The following SCARA3 variants were observed in gnomAD, a reference collection of about 807,000 sequenced individuals.
SCARA3 encodes scavenger receptor class A member 3, also known as cellular stress response gene protein.
SCARA3 carries 39 observed loss-of-function variants against 47.0 expected under a neutral mutation model. The observed-to-expected ratio is 0.83, with a 90% CI of 0.64 to 1.08. The LOEUF (loss-of-function observed/expected upper bound fraction) is 1.08, where lower values mean the gene tolerates loss of function less well. Among genes scored for constraint, SCARA3 ranks in the 50% least tolerant of loss-of-function variants. The pLI is 0.00. For synonymous variants in SCARA3, 356 were observed against 334.1 expected (o/e 1.07, Z -0.71); for missense variants, 724 against 792.3 (o/e 0.91, Z 1.04).
chr8:27,669,749 C>T (rs1258884242), intron 5 of SCARA3, among the ~76,000 whole-genome samples: 1 of 152,186 alleles, frequency 6.6e-6, no homozygotes, highest in Non-Finnish European at 1.5e-5. Context: ...GCTCTGGTTT[C>T]CAGTTTAGGT....
chr8:27,650,061 C>T (rs760892876), intron 2 of SCARA3, among the ~76,000 whole-genome samples: 1 of 152,174 alleles, frequency 6.6e-6, no homozygotes, highest in Non-Finnish European at 1.5e-5. Flanking sequence ...GGTGCAACCA[C>T]AGATCACTGC....
chr8:27,634,133 C>A lies in SCARA3; in HGVS notation c.-68C>A. 1 of 1,418,334 alleles carries A rather than the reference C, an allele frequency of 7.1e-7. No homozygotes were observed. The highest frequency in any genetic ancestry group is 9.2e-7 in the Non-Finnish European group (1 of 1,084,932). 87.9% of individuals were successfully genotyped at this position (1,418,334 alleles called of 1,614,324 possible). ...ATCCGCGCCCTGGAGGATCCGCCGG[C>A]CGCCCGGCTCCACTACAGCTCCAGC... On this transcript the variant is annotated 5_prime_UTR_variant, in exon 1 of 6. Transcript: ENST00000301904.
chr8:27,638,953 A>G (rs571453597), intron 1 of SCARA3, among the ~76,000 whole-genome samples: 7 of 152,120 alleles, frequency 4.6e-5, no homozygotes, highest in Non-Finnish European at 1.0e-4. Context: ...CCGTTCCCTG[A>G]ACAATCTCTC....
intron 5 of SCARA3, among the ~76,000 whole-genome samples, chr8:27,662,935 G>A (rs1801942002): frequency 6.6e-6 from 1 of 152,210 alleles, no homozygotes; most frequent in African/African-American, 2.4e-5. Flanking sequence ...ATCCTCCCCT[G>A]CTGGGGTCAC....
the SCARA3 span, among the ~76,000 whole-genome samples, chr8:27,729,621 T>A: frequency 9.9e-5 from 15 of 151,798 alleles, no homozygotes; most frequent in African/African-American, 3.6e-4. Context: ...TGAAACCCCG[T>A]CTCTACTAAA....
At chr8:27,715,073 C>T in the SCARA3 span, among the ~76,000 whole-genome samples, 6 of 152,134 alleles carry the variant, frequency 3.9e-5, no homozygotes, top group Non-Finnish European at 8.8e-5. This position sits in a 1 kb window ranked among gnomAD's most constrained non-coding sequence, Gnocchi z 4.2. Context: ...ACACAAGCCA[C>T]CATGCCTGGC....
At chr8:27,665,824 T>G (rs1035402861) in intron 5 of SCARA3, among the ~76,000 whole-genome samples, 24 of 152,240 alleles carry the variant, frequency 1.6e-4, no homozygotes, top group Admixed American at 3.3e-4. Flanking sequence ...GGATTATTAT[T>G]ATGCTAAATT....
At chr8:27,645,311 G>A (rs1228183642) in intron 1 of SCARA3, among the ~76,000 whole-genome samples, 3 of 152,188 alleles carry the variant, frequency 2.0e-5, no homozygotes, top group African/African-American at 7.2e-5. Flanking sequence ...ATAGGCCTTC[G>A]CCGAGGGCCA....
intron 1 of SCARA3, among the ~76,000 whole-genome samples, chr8:27,640,061 C>G (rs1407249379): frequency 6.6e-6 from 1 of 151,756 alleles, no homozygotes. Context: ...CATGGGGGGA[C>G]TTGGGGACAG....
chr8:27,690,836 C>T, the SCARA3 span, among the ~76,000 whole-genome samples: 1 of 152,126 alleles, frequency 6.6e-6, no homozygotes, highest in South Asian at 2.1e-4. Flanking sequence ...GCACACACCA[C>T]CATGCCTGGC....
In SCARA3 at chr8:27,672,048, C is replaced by G; in HGVS notation, c.*697C>G. On this transcript the variant is annotated 3_prime_UTR_variant, in exon 6 of 6. Coordinates refer to ENST00000301904, the MANE Select transcript of SCARA3 (RefSeq NM_016240.3). ...CCCAAGGAAACCTTTGCGGGTGGGG[C>G]GTTACTGCCAAAACTCCAGAGGCAA... The G allele has an allele frequency of 1.0e-6, 1 of 985,302 alleles. No homozygotes were observed. Among genetic ancestry groups the G allele is most frequent in the Non-Finnish European group, 1.2e-6 (1 of 829,936 alleles). 61.0% of individuals were successfully genotyped at this position (985,302 alleles called of 1,614,324 possible). A position where few individuals can be genotyped will look rare whatever the true frequency, so the allele number is the denominator to read the frequency against.
At chr8:27,732,750 C>T in the SCARA3 span, among the ~76,000 whole-genome samples, 3 of 152,152 alleles carry the variant, frequency 2.0e-5, no homozygotes, top group South Asian at 4.1e-4. Flanking sequence ...CAGGTATTGC[C>T]CTGACTAGAA....
the SCARA3 span, among the ~76,000 whole-genome samples, chr8:27,707,835 T>C: frequency 1.0e-5 from 1 of 99,216 alleles, no homozygotes; most frequent in Non-Finnish European, 2.3e-5. Context: ...AAAAAAAAAA[T>C]AAGAAGAATG....
chr8:27,664,379 C>A (rs1801972363), intron 5 of SCARA3, among the ~76,000 whole-genome samples: 1 of 152,160 alleles, frequency 6.6e-6, no homozygotes, highest in Non-Finnish European at 1.5e-5. Flanking sequence ...GCATGGTAAA[C>A]AAGGCAGATG....
At chr8:27,687,111 T>C in the SCARA3 span, among the ~76,000 whole-genome samples, 795 of 152,306 alleles carry the variant, frequency 5.2e-3, 7 homozygotes, top group African/African-American at 0.018. Context: ...ACCACCTTGA[T>C]TGCAGGAACA....
intron 1 of SCARA3, among the ~76,000 whole-genome samples, chr8:27,641,441 G>A (rs187926388): frequency 1.2e-4 from 18 of 152,364 alleles, no homozygotes; most frequent in African/African-American, 4.1e-4. Flanking sequence ...AGGAACCCAG[G>A]AATGGGAAGT....
downstream of SCARA3, among the ~76,000 whole-genome samples, chr8:27,677,264 A>T (rs1369137754): frequency 2.0e-5 from 3 of 152,224 alleles, no homozygotes; most frequent in Non-Finnish European, 4.4e-5. Context: ...GAGCCCAAAC[A>T]GAGCCATAGT....
At chr8:27,685,770 C>T in the SCARA3 span, among the ~76,000 whole-genome samples, 3 of 152,114 alleles carry the variant, frequency 2.0e-5, no homozygotes, top group Non-Finnish European at 4.4e-5. Flanking sequence ...AAGAAAATCA[C>T]CCTACGTGTA....
intron 1 of SCARA3, among the ~76,000 whole-genome samples, chr8:27,642,991 G>A (rs1481183182): frequency 2.0e-5 from 3 of 152,130 alleles, no homozygotes; most frequent in African/African-American, 7.2e-5. Flanking sequence ...AGTAGCCTAG[G>A]TTCTTGTCTC....
Sources: gnomAD v4.1 joint callset for allele counts (sites outside exome capture counted in the v4.1 genomes callset) on GRCh38, gnomAD v4.1.1 for gene constraint, Gnocchi (gnomAD v3.1) non-coding constraint, MANE v1.5 for transcripts, NCBI Gene and HGNC (gene_info 2026-07-23, HGNC 2026-07-21) for gene names.